LINGO2: variants seen among roughly 807,000 people sequenced by gnomAD.
The protein encoded by LINGO2 is leucine rich repeat and Ig domain containing 2.
LINGO2 carries 14 observed loss-of-function variants against 30.6 expected under a neutral mutation model. That is an observed-to-expected ratio of 0.46 (90% CI 0.30 to 0.72). The LOEUF is 0.72. Ranked by LOEUF, LINGO2 falls within the 30% of genes least tolerant of loss-of-function variation. The pLI, the probability that LINGO2 is intolerant of heterozygous loss-of-function variation, is 0.07. For missense variants in LINGO2, 729 were observed against 751.7 expected, an observed-to-expected ratio of 0.97 and a Z score of 0.35; for synonymous variants, 317 against 288.5, an observed-to-expected ratio of 1.10 and a Z score of -1.00.
At chr9:29,126,915 C>T in the LINGO2 span, among the ~76,000 whole-genome samples, 3 of 152,046 alleles carry the variant, frequency 2.0e-5, no homozygotes. Context: ...GTACCTGCCC[C>T]CACCCTTTTC....
the LINGO2 span, among the ~76,000 whole-genome samples, chr9:29,057,867 G>A: frequency 2.0e-5 from 3 of 151,972 alleles, no homozygotes; most frequent in Non-Finnish European, 2.9e-5. Flanking sequence ...CAGGGCATTC[G>A]GTAGAAAACC....
At chr9:28,510,682 A>G (rs1406878953) in intron 1 of LINGO2, among the ~76,000 whole-genome samples, 6 of 150,304 alleles carry the variant, frequency 4.0e-5, no homozygotes, top group Admixed American at 1.3e-4. Context: ...CTGTATATAT[A>G]TGTGTGTGTG....
chr9:28,875,820 T>A, the LINGO2 span, among the ~76,000 whole-genome samples: 75 of 152,266 alleles, frequency 4.9e-4, no homozygotes, highest in African/African-American at 1.8e-3. Context: ...AATGTGTGTG[T>A]TTTAACATAC....
At chr9:28,482,707 T>C (rs988040938) in intron 1 of LINGO2, among the ~76,000 whole-genome samples, 3 of 152,150 alleles carry the variant, frequency 2.0e-5, no homozygotes, top group Non-Finnish European at 4.4e-5. Context: ...TACAACTATC[T>C]GATCTTTGGC....
chr9:28,550,880 T>C (rs866581856), intron 1 of LINGO2, among the ~76,000 whole-genome samples: 1 of 151,866 alleles, frequency 6.6e-6, no homozygotes, highest in Admixed American at 6.6e-5. Context: ...CATATTATTT[T>C]GGATTACATA....
At chr9:29,076,031 ATT>A in the LINGO2 span, among the ~76,000 whole-genome samples, 1 of 146,950 alleles carries the variant, frequency 6.8e-6, no homozygotes, top group Admixed American at 6.8e-5. Context: ...ACCACATCTG[ATT>A]TTTTTTTTTT....
chr9:28,793,907 T>A, the LINGO2 span, among the ~76,000 whole-genome samples: 1 of 152,196 alleles, frequency 6.6e-6, no homozygotes, highest in Non-Finnish European at 1.5e-5. Flanking sequence ...TTTAAGGAAC[T>A]GGGAACTCCC....
At chr9:28,683,761 A>G in the LINGO2 span, among the ~76,000 whole-genome samples, 1 of 152,210 alleles carries the variant, frequency 6.6e-6, no homozygotes, top group South Asian at 2.1e-4. Flanking sequence ...TCACTCATTC[A>G]GCAGCTGCTA....
intron 4 of LINGO2, among the ~76,000 whole-genome samples, chr9:28,279,918 T>C (rs997966869): frequency 3.3e-5 from 5 of 152,148 alleles, no homozygotes; most frequent in African/African-American, 1.2e-4. Context: ...TAGTTATTTA[T>C]TTCATCATTT....
At chr9:28,919,895 A>G in the LINGO2 span, among the ~76,000 whole-genome samples, 23 of 152,188 alleles carry the variant, frequency 1.5e-4, no homozygotes, top group Admixed American at 1.1e-3. Context: ...TAATCACGCT[A>G]TAATGTAATT....
At chr9:28,121,076 A>G (rs1184163331) in intron 4 of LINGO2, among the ~76,000 whole-genome samples, 1 of 152,208 alleles carries the variant, frequency 6.6e-6, no homozygotes, top group African/African-American at 2.4e-5. Context: ...ACACTGATAG[A>G]AGATTTTTGG....
At chr9:28,189,685 G>GAGGA (rs1385136197) in intron 4 of LINGO2, among the ~76,000 whole-genome samples, 1 of 20,538 alleles carries the variant, frequency 4.9e-5, no homozygotes, top group African/African-American at 1.7e-4. Flanking sequence ...GGAAGGAAGG[G>GAGGA]AGGAAGGAAG....
chr9:28,935,616 G>T, the LINGO2 span, among the ~76,000 whole-genome samples: 2 of 151,724 alleles, frequency 1.3e-5, no homozygotes, highest in Admixed American at 6.6e-5. Context: ...TATTCATATT[G>T]CTTTAGAAAG....
the LINGO2 span, among the ~76,000 whole-genome samples, chr9:29,183,440 C>T: frequency 6.6e-6 from 1 of 152,160 alleles, no homozygotes; most frequent in African/African-American, 2.4e-5. Context: ...ATAGTGTCCA[C>T]AGTACCTTCA....
At chr9:28,338,688 T>C (rs1156383213) in intron 3 of LINGO2, among the ~76,000 whole-genome samples, 2 of 152,112 alleles carry the variant, frequency 1.3e-5, no homozygotes, top group East Asian at 1.9e-4. Flanking sequence ...CAAGATCTGA[T>C]GGGTATATAA....
At chr9:28,888,528 A>C in the LINGO2 span, among the ~76,000 whole-genome samples, 1 of 152,074 alleles carries the variant, frequency 6.6e-6, no homozygotes, top group Non-Finnish European at 1.5e-5. Flanking sequence ...ATGATTTTTA[A>C]TTTTTTCCTT....
At chr9:28,089,696 G>A (rs1826018729) in intron 4 of LINGO2, among the ~76,000 whole-genome samples, 1 of 152,078 alleles carries the variant, frequency 6.6e-6, no homozygotes, top group Middle Eastern at 3.4e-3. Context: ...CTAGCAGAAG[G>A]CAAGAAATAA....
chr9:28,323,560 A>T (rs1343631327), intron 3 of LINGO2, among the ~76,000 whole-genome samples: 2 of 152,230 alleles, frequency 1.3e-5, no homozygotes, highest in African/African-American at 4.8e-5. Flanking sequence ...AGATCACGTC[A>T]TTGCACTCCA....
the LINGO2 span, among the ~76,000 whole-genome samples, chr9:28,700,907 G>A: frequency 1.3e-5 from 2 of 152,006 alleles, no homozygotes; most frequent in African/African-American, 4.8e-5. Context: ...ATCATATGAT[G>A]TGAAGCATCT....
Sources: gnomAD v4.1 joint callset for allele counts (sites outside exome capture counted in the v4.1 genomes callset) on GRCh38, gnomAD v4.1.1 for gene constraint, MANE v1.5 for transcripts, NCBI Gene and HGNC (gene_info 2026-07-23, HGNC 2026-07-21) for gene names.